Variants in SHC3 observed in about 807,000 individuals in gnomAD.
The protein encoded by SHC3 is SHC-transforming protein 3.
Under a neutral mutation model 60.4 loss-of-function variants are expected in SHC3, and 15 were observed. The ratio of observed to expected loss-of-function variants is 0.25; its 90% CI spans 0.17 to 0.38. The LOEUF (loss-of-function observed/expected upper bound fraction) is 0.38, where lower values mean the gene tolerates loss of function less well. Ranked by LOEUF, SHC3 falls within the 10% of genes least tolerant of loss-of-function variation. The pLI is 1.00. For synonymous variants in SHC3, 294 were observed against 325.9 expected, an observed-to-expected ratio of 0.90 and a Z score of 1.05; for missense variants, 677 against 786.1, an observed-to-expected ratio of 0.86 and a Z score of 1.66.
rs369413725 is a variant in SHC3, at chr9:89,042,162, C to T, written c.1224G>A (p.Thr408=). ...GGGCCACGTGCAGTTTCCCTTCTGG[C>T]GTGCTGTAGATGTCCGAGGACCCTG... ...LRQGSSDIYS[T]PEGKLHVAPT... is the part of the protein sequence containing the mutation. Residue 408 remains threonine, a synonymous_variant, in exon 10 of 12, where the codon ACG becomes ACA. Transcript: ENST00000375835. 1.6e-5 allele frequency: 25 copies of T among 1,539,290 alleles called. No homozygotes were observed. In the East Asian group the frequency reaches 3.0e-4, roughly 19 times the overall value.
intron 11 of SHC3, among the ~76,000 whole-genome samples, chr9:89,014,111 G>A (rs560213278): frequency 6.6e-6 from 1 of 152,320 alleles, no homozygotes; most frequent in South Asian, 2.1e-4. Flanking sequence ...AAGCCTCACA[G>A]TTCCCCAGAG....
intron 1 of SHC3, among the ~76,000 whole-genome samples, chr9:89,161,201 G>C (rs1826700331): frequency 6.6e-6 from 1 of 152,170 alleles, no homozygotes; most frequent in Non-Finnish European, 1.5e-5. Flanking sequence ...CATGGCAGCA[G>C]GTTTCTCATG....
rs529081439 is a variant in SHC3, at chr9:89,009,244, G to T, written c.*4203C>A. 9.2e-5 allele frequency: 14 copies of T among 152,352 alleles called. No individual in the cohort carries two copies. The highest frequency in any genetic ancestry group is 3.4e-4 in the African/African-American group (14 of 41,562). 9.4% of individuals were successfully genotyped at this position (152,352 alleles called of 1,614,324 possible). A position where few individuals can be genotyped will look rare whatever the true frequency, so the allele number is the denominator to read the frequency against. On this transcript the variant is annotated 3_prime_UTR_variant, in exon 12 of 12. Transcript: ENST00000375835. ...TCCTGTGTGGAGCTGACAGTTCTAG[G>T]TTGGCACTATGTCCAGGAGTGGGTT... is the stretch of plus-strand genomic sequence containing the variant.
chr9:89,168,892 G>C (rs1391043840), intron 1 of SHC3, among the ~76,000 whole-genome samples: 1 of 152,136 alleles, frequency 6.6e-6, no homozygotes, highest in South Asian at 2.1e-4. Context: ...AATTCCTCTT[G>C]TTGGGCTGTC....
At chr9:89,082,445 A>G (rs896681163) in intron 2 of SHC3, among the ~76,000 whole-genome samples, 3 of 151,756 alleles carry the variant, frequency 2.0e-5, no homozygotes, top group Non-Finnish European at 4.4e-5. Context: ...CTCCTGCTGC[A>G]TGCTTCCCTG....
chr9:89,133,430 T>C lies in SHC3; in HGVS notation c.475-20804A>G, dbSNP rs146080544. Among the ~76,000 whole-genome samples, 513 of 152,330 alleles carry C rather than the reference T, an allele frequency of 3.4e-3. 5 individuals carry two copies. Among genetic ancestry groups the C allele is most frequent in the African/African-American group, 0.012 (483 of 41,562 alleles). On this transcript the variant is annotated intron_variant, in intron 1 of 11. Transcript: ENST00000375835. ...TACTAGGTATATACCCAAAGGATTA[T>C]AAATCATGCTGCTATAAAGACATAT...
intron 1 of SHC3, among the ~76,000 whole-genome samples, chr9:89,176,056 T>C (rs931545087): frequency 5.3e-5 from 8 of 152,204 alleles, no homozygotes; most frequent in Admixed American, 2.6e-4. Context: ...GCACCATTCA[T>C]GGCTGCTAAT....
At position 89,075,121 on chromosome 9, in the gene SHC3, C is replaced by T. The variant is rs34634831; in HGVS notation, c.717G>A (p.Pro239=). ...ISTASLNLRT[P]DSKQIIANHH... is the part of the protein sequence containing the mutation. ...AGCACCCATGTACCTGTTTGGAGTC[C>T]GGAGTTCGCAGGTTCAGACTGGCCG... is the stretch of plus-strand genomic sequence containing the variant. The change falls in exon 4 of 12, where the codon CCG becomes CCA. Residue 239 remains proline (P), a synonymous_variant. Transcript: ENST00000375835. 2,683 of 1,613,876 alleles carry T rather than the reference C, an allele frequency of 1.7e-3. 20 individuals are homozygous for T. In the Middle Eastern group the frequency reaches 0.022, roughly 13 times the overall value.
intron 2 of SHC3, among the ~76,000 whole-genome samples, chr9:89,087,452 T>A (rs184606862): frequency 3.3e-5 from 5 of 152,208 alleles, no homozygotes; most frequent in African/African-American, 1.2e-4. Flanking sequence ...AGAAGTGTGA[T>A]GGCCTCCCCC....
chr9:89,074,409 G>A (rs993829258), intron 4 of SHC3, among the ~76,000 whole-genome samples: 3 of 152,122 alleles, frequency 2.0e-5, no homozygotes, highest in Admixed American at 6.5e-5. Context: ...CGCCTCATTT[G>A]ACCTTCAGAA....
intron 2 of SHC3, among the ~76,000 whole-genome samples, chr9:89,108,699 C>A (rs954108268): frequency 9.9e-5 from 15 of 152,160 alleles, no homozygotes; most frequent in African/African-American, 3.4e-4. Flanking sequence ...CTTTACCCTG[C>A]ACCAGTTGTA....
chr9:89,134,482 T>G (rs957675986), intron 1 of SHC3, among the ~76,000 whole-genome samples: 2 of 152,074 alleles, frequency 1.3e-5, no homozygotes, highest in African/African-American at 4.8e-5. Flanking sequence ...GTTAAGGGAT[T>G]ATAAAGGGTT....
At chr9:89,054,345 T>C (rs1824913678) in intron 6 of SHC3, among the ~76,000 whole-genome samples, 1 of 152,242 alleles carries the variant, frequency 6.6e-6, no homozygotes, top group African/African-American at 2.4e-5. Context: ...CTGCAGCTCC[T>C]GGCACCTGGC....
chr9:89,165,048 A>G (rs937700089), intron 1 of SHC3, among the ~76,000 whole-genome samples: 12 of 152,232 alleles, frequency 7.9e-5, no homozygotes, highest in African/African-American at 2.9e-4. Flanking sequence ...CTGTCTAACA[A>G]TAGGGAACTG....
Position 89,013,115 on chromosome 9 carries a change from T to G in SHC3, c.*332A>C, listed in dbSNP as rs1826033944. 1 of 167,660 alleles carries G rather than the reference T, an allele frequency of 6.0e-6. No individual in the cohort carries two copies. Among genetic ancestry groups the G allele is most frequent in the African/African-American group, 2.4e-5 (1 of 41,970 alleles). 10.4% of individuals were successfully genotyped at this position (167,660 alleles called of 1,614,324 possible). A position where few individuals can be genotyped will look rare whatever the true frequency, so the allele number is the denominator to read the frequency against. On this transcript the variant is annotated 3_prime_UTR_variant, in exon 12 of 12. Transcript: ENST00000375835. ...GGTGGGATGGGTCAGTTGAATTAAA[T>G]TTTTGCCTGGACAACTACAGTTAAA...
intron 2 of SHC3, among the ~76,000 whole-genome samples, chr9:89,106,574 C>T (rs1421167358): frequency 1.1e-4 from 16 of 152,156 alleles, no homozygotes. Flanking sequence ...GACATCCTAG[C>T]TTCCCCAGTT....
chr9:89,112,587 G>A lies in SHC3; in HGVS notation c.514C>T (p.Leu172Phe). The change falls in exon 2 of 12, where the codon CTT becomes TTT. Residue 172 changes from leucine to phenylalanine, a missense_variant. By Grantham distance (22) the Leu-to-Phe change is conservative. Coordinates refer to ENST00000375835, the MANE Select transcript of SHC3 (RefSeq NM_016848.6). The stretch of plus-strand genomic sequence containing the variant: ...ATTTGTGTTCTTGTACTGAAGTCAA[G>A]AGACCTCATTGAGCGCAGAACTTCA... ...CIEVLRSMRS[L>F]DFSTRTQITR... 1 of 1,598,636 alleles carries A rather than the reference G, an allele frequency of 6.3e-7. No individual in the cohort carries two copies. The highest frequency in any genetic ancestry group is 8.5e-7 in the Non-Finnish European group (1 of 1,173,890).
intron 2 of SHC3, among the ~76,000 whole-genome samples, chr9:89,104,542 C>T (rs1032668670): frequency 6.6e-6 from 1 of 152,236 alleles, no homozygotes; most frequent in African/African-American, 2.4e-5. Context: ...TACAGACCAG[C>T]TCTGTGGCCC....
intron 1 of SHC3, among the ~76,000 whole-genome samples, chr9:89,134,183 G>T (rs929991854): frequency 1.3e-5 from 2 of 152,134 alleles, no homozygotes; most frequent in African/African-American, 4.8e-5. Flanking sequence ...TGTAAGGAAA[G>T]TAGAATATAC....
Sources: allele counts gnomAD v4.1 joint callset (sites outside exome capture counted in the v4.1 genomes callset), GRCh38; gene constraint gnomAD v4.1.1; transcripts MANE v1.5; gene names NCBI Gene and HGNC (gene_info 2026-07-23, HGNC 2026-07-21).